TAFA1: variants seen among roughly 807,000 people sequenced by gnomAD.
TAFA1 encodes the protein chemokine-like protein TAFA-1.
A neutral mutation model predicts 18.5 loss-of-function variants in TAFA1; 4 were observed. The ratio of observed to expected loss-of-function variants is 0.22; its 90% CI spans 0.11 to 0.49. TAFA1 has a LOEUF of 0.49. Ranked by LOEUF, TAFA1 falls within the 20% of genes least tolerant of loss-of-function variation. TAFA1 has a pLI of 0.98. For missense variants in TAFA1, 147 were observed against 169.0 expected, an observed-to-expected ratio of 0.87 and a Z score of 0.72; for synonymous variants, 56 against 55.2, an observed-to-expected ratio of 1.01 and a Z score of -0.06.
chr3:68,221,232 T>A (rs115629789), intron 2 of TAFA1, among the ~76,000 whole-genome samples: 5,772 of 152,256 alleles, frequency 0.038, 171 homozygotes, highest in Non-Finnish European at 0.055. Flanking sequence ...TTAACTTTTC[T>A]TACTGGACTT....
At chr3:68,036,010 G>A (rs866489419) in intron 2 of TAFA1, among the ~76,000 whole-genome samples, 2 of 152,268 alleles carry the variant, frequency 1.3e-5, no homozygotes, top group South Asian at 4.1e-4. Flanking sequence ...TAAGGTTGAG[G>A]GTAGGCATTG....
intron 2 of TAFA1, among the ~76,000 whole-genome samples, chr3:68,221,232 T>G (rs115629789): frequency 6.6e-6 from 1 of 152,148 alleles, no homozygotes; most frequent in Non-Finnish European, 1.5e-5. Flanking sequence ...TTAACTTTTC[T>G]TACTGGACTT....
intron 2 of TAFA1, among the ~76,000 whole-genome samples, chr3:68,356,956 C>T (rs1575801896): frequency 1.3e-5 from 2 of 151,894 alleles, no homozygotes; most frequent in Admixed American, 6.6e-5. Flanking sequence ...TCTAGTATCA[C>T]GTGTTTTACA....
intron 2 of TAFA1, among the ~76,000 whole-genome samples, chr3:68,272,203 G>T (rs978067426): frequency 6.6e-6 from 1 of 152,134 alleles, no homozygotes; most frequent in African/African-American, 2.4e-5. Flanking sequence ...GGAAAACCAC[G>T]TTAGCTTCTG....
At chr3:68,197,174 T>C (rs966046907) in intron 2 of TAFA1, among the ~76,000 whole-genome samples, 1 of 151,782 alleles carries the variant, frequency 6.6e-6, no homozygotes, top group African/African-American at 2.4e-5. Context: ...TGTAGTAATT[T>C]ACTATGTTAA....
chr3:68,073,073 C>G (rs1036792843), intron 2 of TAFA1, among the ~76,000 whole-genome samples: 7 of 152,142 alleles, frequency 4.6e-5, no homozygotes, highest in African/African-American at 1.7e-4. Flanking sequence ...ATTTAAATTC[C>G]AGGCTTCCAA....
rs1037048413 is a variant in TAFA1 at position 68,273,664 on chromosome 3, T to G, written c.119-143616T>G. Among the ~76,000 whole-genome samples the G allele has an allele frequency of 1.1e-4, 16 of 152,254 alleles. No homozygotes were observed. The East Asian group carries it at 3.1e-3, about 29-fold the overall frequency. ...ATTGTGATTTGAAACCACTCTTGCT[T>G]CTGTAAATAAACAAGAGAATATAAG... On this transcript the variant is annotated intron_variant, in intron 2 of 4. Coordinates refer to ENST00000478136, the MANE Select transcript of TAFA1 (RefSeq NM_213609.4).
At chr3:68,208,985 G>A (rs975321539) in intron 2 of TAFA1, among the ~76,000 whole-genome samples, 14 of 152,040 alleles carry the variant, frequency 9.2e-5, no homozygotes, top group African/African-American at 3.1e-4. Context: ...TGCCTTGGAG[G>A]AACAACTGCC....
intron 2 of TAFA1, among the ~76,000 whole-genome samples, chr3:68,152,295 G>A (rs2065815060): frequency 6.6e-6 from 1 of 152,150 alleles, no homozygotes; most frequent in Non-Finnish European, 1.5e-5. Context: ...GATTCTTTGG[G>A]TGCAGAGCTC....
chr3:68,230,142 T>A (rs1334963775), intron 2 of TAFA1, among the ~76,000 whole-genome samples: 1 of 152,164 alleles, frequency 6.6e-6, no homozygotes, highest in Admixed American at 6.5e-5. Flanking sequence ...AGTCTTCTAG[T>A]TATTTTTAAA....
intron 2 of TAFA1, among the ~76,000 whole-genome samples, chr3:68,219,386 T>A (rs1256122409): frequency 1.3e-5 from 2 of 152,176 alleles, no homozygotes; most frequent in East Asian, 3.9e-4. Context: ...AGTTTAGAAC[T>A]CACAGTGCTT....
intron 2 of TAFA1, among the ~76,000 whole-genome samples, chr3:68,233,646 T>C (rs564396025): frequency 2.9e-4 from 44 of 152,278 alleles, no homozygotes; most frequent in Non-Finnish European, 4.3e-4. Context: ...TTTTTTCTAT[T>C]TTTGTGAAGA....
the TAFA1 span, among the ~76,000 whole-genome samples, chr3:67,997,389 T>C: frequency 6.6e-6 from 1 of 152,126 alleles, no homozygotes; most frequent in African/African-American, 2.4e-5. Flanking sequence ...AGAGCTGAAA[T>C]AGACTCAAGC....
In TAFA1 at chr3:68,105,787, A is replaced by G. The variant is rs2065195930; in HGVS notation, c.118+99043A>G. Among the ~76,000 whole-genome samples the G allele has an allele frequency of 2.0e-5, 3 of 152,234 alleles. No individual in the cohort carries two copies. In the South Asian group the frequency reaches 6.2e-4, roughly 32 times the overall value. On this transcript the variant is annotated intron_variant, in intron 2 of 4. Transcript: ENST00000478136. ...TAAGGGGATACAGTGATGTTTTCCT[A>G]CCTTGATTAGATTATTCAATAATTT...
rs1458653251 is a variant in TAFA1 at position 68,145,555 on chromosome 3, G to A, written c.118+138811G>A. The A allele has an allele frequency of 2.8e-6, 4 of 1,431,522 alleles. No homozygotes were observed. In the Admixed American group the frequency reaches 5.0e-5, roughly 18 times the overall value. The allele number at this position is 1,431,522 out of a possible 1,614,324, so 88.7% of individuals were successfully genotyped here. On this transcript the variant is annotated intron_variant, in intron 2 of 4. Transcript: ENST00000478136. Reference sequence around the variant, plus strand: ...TTAACAAGTTTATTCCCTTATCAGAGCCTGCTCCACTTCCCCCAATACCCA... The same window carrying A: ...TTAACAAGTTTATTCCCTTATCAGAACCTGCTCCACTTCCCCCAATACCCA...
intron 2 of TAFA1, among the ~76,000 whole-genome samples, chr3:68,294,462 A>G (rs920050258): frequency 2.6e-5 from 4 of 152,232 alleles, no homozygotes; most frequent in African/African-American, 9.6e-5. Flanking sequence ...CAGTGTATCT[A>G]TATTCTGACA....
chr3:68,059,879 C>T (rs1050260510), intron 2 of TAFA1, among the ~76,000 whole-genome samples: 2 of 152,112 alleles, frequency 1.3e-5, no homozygotes, highest in Admixed American at 1.3e-4. Context: ...AGCACCTAAG[C>T]CTAAATTGCT....
At chr3:68,098,834 A>G (rs1344396532) in intron 2 of TAFA1, among the ~76,000 whole-genome samples, 1 of 152,112 alleles carries the variant, frequency 6.6e-6, no homozygotes, top group African/African-American at 2.4e-5. Context: ...AGAATACAGA[A>G]CACAGAAATA....
intron 2 of TAFA1, among the ~76,000 whole-genome samples, chr3:68,303,328 AAAG>A (rs1390755393): frequency 6.6e-6 from 1 of 152,206 alleles, no homozygotes; most frequent in African/African-American, 2.4e-5. Context: ...CAGATTTTAC[AAAG>A]GAGGAGCTTT....
Sources: allele counts gnomAD v4.1 joint callset (sites outside exome capture counted in the v4.1 genomes callset), GRCh38; gene constraint gnomAD v4.1.1; transcripts MANE v1.5; gene names NCBI Gene and HGNC (gene_info 2026-07-23, HGNC 2026-07-21).